The following ATG5 variants were observed in gnomAD, a reference collection of about 807,000 sequenced individuals.
ATG5 encodes the protein autophagy protein 5.
ATG5 carries 14 observed loss-of-function variants against 36.5 expected under a neutral mutation model. The observed-to-expected ratio is 0.38, with a 90% CI of 0.25 to 0.60. The LOEUF (loss-of-function observed/expected upper bound fraction) is 0.60. Ranked by LOEUF, ATG5 falls within the 20% of genes least tolerant of loss-of-function variation. The pLI is 0.60. For synonymous variants in ATG5, 95 were observed against 101.5 expected, an observed-to-expected ratio of 0.94 and a Z score of 0.38; for missense variants, 195 against 326.7, an observed-to-expected ratio of 0.60 and a Z score of 3.11.
At chr6:106,296,947 T>C (rs530061286) in intron 3 of ATG5, among the ~76,000 whole-genome samples, 36 of 152,330 alleles carry the variant, frequency 2.4e-4, no homozygotes, top group Middle Eastern at 3.4e-3. Flanking sequence ...GAGGAAGATG[T>C]TTCACAATTA....
At chr6:106,251,992 C>T (rs761610982) in intron 5 of ATG5, among the ~76,000 whole-genome samples, 4 of 152,020 alleles carry the variant, frequency 2.6e-5, no homozygotes, top group Admixed American at 6.6e-5. Context: ...AGGCATGCAT[C>T]ATCACGCCCG....
chr6:106,291,092 T>TA (rs1780288935), intron 4 of ATG5, among the ~76,000 whole-genome samples: 1 of 152,200 alleles, frequency 6.6e-6, no homozygotes, highest in Admixed American at 6.5e-5. Context: ...TGGTGTTTCA[T>TA]AAAAATAAGT....
intron 1 of ATG5, among the ~76,000 whole-genome samples, chr6:106,318,177 T>C (rs573151996): frequency 1.3e-5 from 2 of 152,250 alleles, no homozygotes; most frequent in South Asian, 4.1e-4. Flanking sequence ...TCAAGCACTG[T>C]CCTCTCAAGG....
chr6:106,300,356 T>C (rs1409311397), intron 3 of ATG5, among the ~76,000 whole-genome samples: 2 of 152,180 alleles, frequency 1.3e-5, no homozygotes, highest in African/African-American at 4.8e-5. Context: ...CATTTATGAT[T>C]AAAATGTTAA....
intron 6 of ATG5, among the ~76,000 whole-genome samples, chr6:106,216,210 G>A (rs1468990513): frequency 6.6e-6 from 1 of 152,124 alleles, no homozygotes; most frequent in African/African-American, 2.4e-5. Flanking sequence ...AGGTTTAAAC[G>A]TGGAATTACC....
intron 6 of ATG5, among the ~76,000 whole-genome samples, chr6:106,237,864 G>T (rs1227361230): frequency 6.6e-6 from 1 of 152,124 alleles, no homozygotes; most frequent in Non-Finnish European, 1.5e-5. Flanking sequence ...GCATTGTGAG[G>T]AGCATAAAGA....
chr6:106,283,070 C>G (rs1003058479), intron 4 of ATG5, among the ~76,000 whole-genome samples: 1 of 152,056 alleles, frequency 6.6e-6, no homozygotes, highest in African/African-American at 2.4e-5. Flanking sequence ...GGATTACGGG[C>G]ATGAGCCACT....
At chr6:106,234,807 C>T (rs921168764) in intron 6 of ATG5, among the ~76,000 whole-genome samples, 1 of 152,208 alleles carries the variant, frequency 6.6e-6, no homozygotes, top group African/African-American at 2.4e-5. Context: ...CTCAGTTCTA[C>T]TACAAACTAT....
intron 3 of ATG5, among the ~76,000 whole-genome samples, chr6:106,297,628 G>A (rs1582669090): frequency 6.6e-6 from 1 of 151,598 alleles, no homozygotes; most frequent in Non-Finnish European, 1.5e-5. Context: ...TAAATTTGCT[G>A]TACTTAAACC....
chr6:106,245,355 G>T (rs1778286720), intron 6 of ATG5, among the ~76,000 whole-genome samples: 1 of 152,136 alleles, frequency 6.6e-6, no homozygotes, highest in South Asian at 2.1e-4. Flanking sequence ...AACTTATTTG[G>T]TCAGGGCAGA....
intron 7 of ATG5, among the ~76,000 whole-genome samples, chr6:106,195,162 C>T (rs369934343): frequency 6.6e-6 from 1 of 152,162 alleles, no homozygotes; most frequent in African/African-American, 2.4e-5. Flanking sequence ...ACCTAAAGCA[C>T]GTATTCATAA....
intron 3 of ATG5, among the ~76,000 whole-genome samples, chr6:106,298,222 G>A (rs1770051045): frequency 6.6e-6 from 1 of 151,946 alleles, no homozygotes. Context: ...GCCTCCCAAA[G>A]TGCTGGGATT....
At chr6:106,205,718 G>C (rs144723807) in intron 6 of ATG5, among the ~76,000 whole-genome samples, 2,153 of 152,054 alleles carry the variant, frequency 0.014, 166 homozygotes, top group Admixed American at 0.13. Context: ...ATCTGAGCAA[G>C]TATTATAAAG....
At chr6:106,226,532 G>A (rs567385065) in intron 6 of ATG5, among the ~76,000 whole-genome samples, 1 of 151,806 alleles carries the variant, frequency 6.6e-6, no homozygotes, top group Non-Finnish European at 1.5e-5. Context: ...TATGCGCAAA[G>A]AACTAAAAAA....
At chr6:106,189,258 G>C (rs1775883696) in intron 7 of ATG5, among the ~76,000 whole-genome samples, 1 of 151,954 alleles carries the variant, frequency 6.6e-6, no homozygotes, top group Non-Finnish European at 1.5e-5. Flanking sequence ...TTAATTCATG[G>C]TACCATAAAT....
At chr6:106,290,121 G>T (rs1389852348) in intron 4 of ATG5, among the ~76,000 whole-genome samples, 2 of 151,370 alleles carry the variant, frequency 1.3e-5, no homozygotes, top group Non-Finnish European at 2.9e-5. Flanking sequence ...CAAACTCCTG[G>T]GCTCAAGTGA....
chr6:106,284,685 C>A (rs1372840980), intron 4 of ATG5, among the ~76,000 whole-genome samples: 2 of 151,386 alleles, frequency 1.3e-5, no homozygotes, highest in African/African-American at 4.8e-5. Flanking sequence ...GATAACCAAT[C>A]TAGAGGGCGT....
In ATG5 at chr6:106,184,881, C is replaced by T. The variant is rs1483945594; in HGVS notation, c.*1659G>A. The T allele has an allele frequency of 2.6e-5, 4 of 152,282 alleles. No homozygotes were observed. The highest frequency in any genetic ancestry group is 4.8e-5 in the African/African-American group (2 of 41,440). The allele number at this position is 152,282 out of a possible 1,614,324, so 9.4% of individuals were successfully genotyped here. A position where few individuals can be genotyped will look rare whatever the true frequency, so the allele number is the denominator to read the frequency against. ...AAGGGGGAAAATCCCCAAAATGAACCGACGAATAAACACTCTTAATGTGAA... is the reference window on the plus strand; with the variant it reads ...AAGGGGGAAAATCCCCAAAATGAACTGACGAATAAACACTCTTAATGTGAA... On this transcript the variant is annotated 3_prime_UTR_variant, in exon 8 of 8. Coordinates refer to ENST00000369076, the MANE Select transcript of ATG5 (RefSeq NM_004849.4).
chr6:106,313,456 T>A (rs1262641304), intron 2 of ATG5, among the ~76,000 whole-genome samples: 1 of 152,214 alleles, frequency 6.6e-6, no homozygotes, highest in East Asian at 1.9e-4. Context: ...CCAATCATGA[T>A]TTCCTCTAGA....
Sources: gnomAD v4.1 joint callset for allele counts (sites outside exome capture counted in the v4.1 genomes callset) on GRCh38, gnomAD v4.1.1 for gene constraint, MANE v1.5 for transcripts, NCBI Gene and HGNC (gene_info 2026-07-23, HGNC 2026-07-21) for gene names.